Variants in FGF12 observed in about 807,000 individuals in gnomAD.
FGF12 encodes the protein fibroblast growth factor 12.
A neutral mutation model predicts 23.6 loss-of-function variants in FGF12; 14 were observed. The observed-to-expected ratio is 0.59, with a 90% CI of 0.39 to 0.93. FGF12 has a LOEUF of 0.93. Among genes scored for constraint, FGF12 ranks in the 40% least tolerant of loss-of-function variants. FGF12 has a pLI of 0.00. For missense variants in FGF12, 175 were observed against 217.8 expected (o/e 0.80, Z 1.24); for synonymous variants, 62 against 77.3 (o/e 0.80, Z 1.04).
At chr3:192,634,189 G>T (rs1275794756) in intron 2 of FGF12, among the ~76,000 whole-genome samples, 1 of 150,478 alleles carries the variant, frequency 6.6e-6, no homozygotes, top group Non-Finnish European at 1.5e-5. Context: ...TACACATGAT[G>T]CCTACACACG....
chr3:192,664,406 T>C (rs1716778217), intron 2 of FGF12, among the ~76,000 whole-genome samples: 1 of 151,850 alleles, frequency 6.6e-6, no homozygotes, highest in African/African-American at 2.4e-5. Flanking sequence ...ATCAGAGCAC[T>C]AAAACTACCA....
At chr3:192,290,029 A>G (rs1026216251) in intron 4 of FGF12, among the ~76,000 whole-genome samples, 4 of 152,122 alleles carry the variant, frequency 2.6e-5, no homozygotes, top group African/African-American at 9.7e-5. Context: ...GTTAGACCCA[A>G]CTAATATCTC....
At chr3:192,517,877 T>G (rs181636305) in intron 2 of FGF12, among the ~76,000 whole-genome samples, 2 of 152,312 alleles carry the variant, frequency 1.3e-5, no homozygotes, top group East Asian at 1.9e-4. Flanking sequence ...CTTCCACAAT[T>G]AGGCACACAG....
At chr3:192,703,481 T>C (rs1560199645) in intron 2 of FGF12, among the ~76,000 whole-genome samples, 1 of 152,172 alleles carries the variant, frequency 6.6e-6, no homozygotes, top group Non-Finnish European at 1.5e-5. Context: ...TTGCTGAAGA[T>C]TGGGATGGCT....
intron 4 of FGF12, among the ~76,000 whole-genome samples, chr3:192,179,737 G>A (rs987422270): frequency 6.6e-6 from 1 of 151,852 alleles, no homozygotes; most frequent in Non-Finnish European, 1.5e-5. Flanking sequence ...GTAGAGACAG[G>A]GTTTCATTAT....
chr3:192,373,195 T>C (rs1329802162), intron 2 of FGF12, among the ~76,000 whole-genome samples: 1 of 152,164 alleles, frequency 6.6e-6, no homozygotes, highest in Non-Finnish European at 1.5e-5. Flanking sequence ...CTCTAGACTG[T>C]AGCATCCCTG....
At chr3:192,167,746 TA>T (rs1715262877) in intron 5 of FGF12, among the ~76,000 whole-genome samples, 2 of 24,612 alleles carry the variant, frequency 8.1e-5, no homozygotes, top group African/African-American at 2.0e-4. Context: ...TATATATATA[TA>T]TATATATATA....
intron 4 of FGF12, among the ~76,000 whole-genome samples, chr3:192,288,892 A>G (rs4686603): frequency 0.42 from 64,462 of 151,884 alleles, 14,594 homozygotes; most frequent in East Asian, 0.94. Flanking sequence ...ACATTACCTA[A>G]GCTCTCATGT....
At chr3:192,482,405 A>C (rs1195333514) in intron 2 of FGF12, among the ~76,000 whole-genome samples, 1 of 152,138 alleles carries the variant, frequency 6.6e-6, no homozygotes, top group African/African-American at 2.4e-5. Flanking sequence ...AGGCCAAGGC[A>C]GGAAGATCGC....
chr3:192,444,507 C>T (rs1412497742), intron 2 of FGF12, among the ~76,000 whole-genome samples: 1 of 152,080 alleles, frequency 6.6e-6, no homozygotes, highest in Non-Finnish European at 1.5e-5. Context: ...GATAATGTGA[C>T]CTTCAGCATT....
At chr3:192,497,408 G>T (rs947742572) in intron 2 of FGF12, among the ~76,000 whole-genome samples, 13 of 152,028 alleles carry the variant, frequency 8.6e-5, no homozygotes, top group African/African-American at 3.1e-4. Context: ...CTACTAAATG[G>T]TCTCCCTGTT....
At chr3:192,723,862 TGAGA>T (rs1285375793) in intron 2 of FGF12, among the ~76,000 whole-genome samples, 4 of 111,834 alleles carry the variant, frequency 3.6e-5, no homozygotes, top group South Asian at 2.8e-4. Context: ...TGTGTGTGTG[TGAGA>T]GAGAGAGAGA....
chr3:192,727,147 A>T, intron 2 of FGF12, 34 bp downstream of exon 2: 1 of 1,568,996 alleles, frequency 6.4e-7, no homozygotes, highest in Non-Finnish European at 8.6e-7. Context: ...ACGCACATGC[A>T]GCGGGAAGTC....
intron 4 of FGF12, among the ~76,000 whole-genome samples, chr3:192,326,761 C>T (rs1716841813): frequency 1.3e-5 from 2 of 152,136 alleles, no homozygotes; most frequent in African/African-American, 4.8e-5. Flanking sequence ...TCCTTAATTG[C>T]AACAGCAAAT....
intron 2 of FGF12, among the ~76,000 whole-genome samples, chr3:192,711,404 G>T (rs945249084): frequency 3.3e-5 from 5 of 152,116 alleles, no homozygotes; most frequent in Admixed American, 3.3e-4. Context: ...CTTCTGGGAA[G>T]TGAGGAGCCC....
At chr3:192,658,999 G>T (rs1029705999) in intron 2 of FGF12, among the ~76,000 whole-genome samples, 1 of 152,178 alleles carries the variant, frequency 6.6e-6, no homozygotes, top group Admixed American at 6.5e-5. Context: ...AGGACGCCAA[G>T]CTGCTTCCCT....
chr3:192,180,255 T>C (rs1716096903), intron 4 of FGF12, among the ~76,000 whole-genome samples: 1 of 152,196 alleles, frequency 6.6e-6, no homozygotes, highest in Non-Finnish European at 1.5e-5. Flanking sequence ...GCCAGAAGAC[T>C]GTAAGTATAG....
At chr3:192,638,583 C>A (rs1018871067) in intron 2 of FGF12, among the ~76,000 whole-genome samples, 5 of 152,156 alleles carry the variant, frequency 3.3e-5, no homozygotes, top group African/African-American at 9.7e-5. Context: ...CACTCACTGG[C>A]AAATACTAGA....
At chr3:192,633,313 T>C (rs886808282) in intron 2 of FGF12, among the ~76,000 whole-genome samples, 1 of 152,166 alleles carries the variant, frequency 6.6e-6, no homozygotes, top group Non-Finnish European at 1.5e-5. Flanking sequence ...CCCAAAGTGT[T>C]GGGATTACAG....
Sources: allele counts gnomAD v4.1 joint callset (sites outside exome capture counted in the v4.1 genomes callset), GRCh38; gene constraint gnomAD v4.1.1; transcripts MANE v1.5; gene names NCBI Gene and HGNC (gene_info 2026-07-23, HGNC 2026-07-21).